FAM53A: variants seen among roughly 807,000 people sequenced by gnomAD.
FAM53A encodes the protein family with sequence similarity 53 member A.
Under a neutral mutation model 26.6 loss-of-function variants are expected in FAM53A, and 28 were observed. That is an observed-to-expected ratio of 1.05 (90% CI 0.78 to 1.45). The LOEUF (loss-of-function observed/expected upper bound fraction) is 1.45, where lower values mean the gene tolerates loss of function less well. FAM53A is among the 40% of genes most tolerant of loss of function. The pLI is 0.00. For synonymous variants in FAM53A, 290 were observed against 253.1 expected (o/e 1.15, Z -1.38); for missense variants, 650 against 575.8 (o/e 1.13, Z -1.32).
At chr4:1,652,566 C>G (rs1388396838) in intron 4 of FAM53A, among the ~76,000 whole-genome samples, 3 of 149,812 alleles carry the variant, frequency 2.0e-5, no homozygotes, top group Non-Finnish European at 4.5e-5. Flanking sequence ...TTACCACACA[C>G]ACACCACACA....
chr4:1,668,773 A>C lies in FAM53A; in HGVS notation c.-32T>G, dbSNP rs1286706703. On this transcript the variant is annotated 5_prime_UTR_variant, in exon 2 of 5. Transcript: ENST00000308132. Reference sequence around the variant, plus strand: ...GGCCCCGTGTCCTCCGTCCACACCAACAGGCACTGGAGTCCTGGAACATCA... The same window carrying C: ...GGCCCCGTGTCCTCCGTCCACACCACCAGGCACTGGAGTCCTGGAACATCA... 1 of 1,608,264 alleles carries C rather than the reference A, an allele frequency of 6.2e-7. No individual in the cohort carries two copies. Among genetic ancestry groups the C allele is most frequent in the Non-Finnish European group, 8.5e-7 (1 of 1,175,060 alleles).
the FAM53A span, among the ~76,000 whole-genome samples, chr4:1,595,161 A>G: frequency 6.6e-6 from 1 of 152,214 alleles, no homozygotes; most frequent in Non-Finnish European, 1.5e-5. Flanking sequence ...CAGCCACTGA[A>G]AGGACAGAAA....
At chr4:1,585,778 G>A in the FAM53A span, among the ~76,000 whole-genome samples, 1 of 152,192 alleles carries the variant, frequency 6.6e-6, no homozygotes, top group Non-Finnish European at 1.5e-5. Flanking sequence ...CCAGGCTAGA[G>A]TGCAGTAGCA....
chr4:1,641,371 A>T lies in FAM53A; in HGVS notation c.1119T>A (p.Asp373Glu), dbSNP rs1318789705. The T allele has an allele frequency of 6.2e-7, 1 of 1,610,844 alleles. No homozygotes were observed. The highest frequency in any genetic ancestry group is 8.5e-7 in the Non-Finnish European group (1 of 1,179,114). ...GSRRSSGDPR[D>E]GDSVGEEGVF... ...CGCCCTCCTCCCCGACACTGTCCCC[A>T]TCACGGGGGTCCCCGCTGCTCCTGC... Residue 373 changes from aspartate to glutamate, a missense_variant, in exon 5 of 5, where the codon GAT becomes GAA. Physicochemically the swap from Asp to Glu is conservative, Grantham distance 45. Coordinates refer to ENST00000308132, the MANE Select transcript of FAM53A (RefSeq NM_001174070.3).
intron 2 of FAM53A, among the ~76,000 whole-genome samples, chr4:1,663,572 G>A (rs964416785): frequency 6.6e-6 from 1 of 152,144 alleles, no homozygotes; most frequent in African/African-American, 2.4e-5. Context: ...TGTGGTGAGG[G>A]ACAGCCAACA....
At chr4:1,683,660 G>C (rs531198350) in intron 1 of FAM53A, 1 of 152,318 alleles carries the variant, frequency 6.6e-6, no homozygotes, top group African/African-American at 2.4e-5. Context: ...TAGCTTCAAA[G>C]AAGAGGCACC....
chr4:1,606,914 C>CT, the FAM53A span, among the ~76,000 whole-genome samples: 1 of 152,222 alleles, frequency 6.6e-6, no homozygotes, highest in Non-Finnish European at 1.5e-5. Flanking sequence ...TTGGAAGCTG[C>CT]CATGCTGTTC....
At chr4:1,612,980 C>T (rs1000147337), downstream of FAM53A, among the ~76,000 whole-genome samples, 1 of 152,232 alleles carries the variant, frequency 6.6e-6, no homozygotes, top group African/African-American at 2.4e-5. Flanking sequence ...GGCATGCACA[C>T]GCAAGCACAG....
In FAM53A at chr4:1,655,343, C is replaced by G. The variant is rs997932329; in HGVS notation, c.517G>C (p.Ala173Pro). Residue 173 changes from alanine (A) to proline (P), a missense_variant, in exon 4 of 5, where the codon GCT becomes CCT. Transcript: ENST00000308132. ...GAGGTGGGACCGGTCGACCACACAGCACTCCTCGGCAGGACGGCGCCGGGG... is the reference window on the plus strand; with the variant it reads ...GAGGTGGGACCGGTCGACCACACAGGACTCCTCGGCAGGACGGCGCCGGGG... ...GSPGAVLPRS[A>P]VWSTGPTSPA... 1.4e-6 allele frequency: 2 copies of G among 1,434,080 alleles called. No homozygotes were observed. Among genetic ancestry groups the G allele is most frequent in the Admixed American group, 6.0e-5 (2 of 33,088 alleles). 88.8% of individuals were successfully genotyped at this position (1,434,080 alleles called of 1,614,324 possible).
At chr4:1,675,011 GAGA>G (rs1022669374) in intron 1 of FAM53A, among the ~76,000 whole-genome samples, 6 of 150,332 alleles carry the variant, frequency 4.0e-5, no homozygotes, top group Non-Finnish European at 7.3e-5. Flanking sequence ...TGGTGGCAGT[GAGA>G]AGGATGCCGT....
the FAM53A span, among the ~76,000 whole-genome samples, chr4:1,600,528 G>A: frequency 1.3e-5 from 2 of 151,980 alleles, no homozygotes; most frequent in Non-Finnish European, 2.9e-5. Context: ...GGGACCCCAC[G>A]TGTGCACTGT....
At position 1,659,836 on chromosome 4, in the gene FAM53A, C is replaced by T. The variant is rs1034873050; in HGVS notation, c.76-2368G>A. On this transcript the variant is annotated intron_variant, in intron 2 of 4. Coordinates refer to ENST00000308132, the MANE Select transcript of FAM53A (RefSeq NM_001174070.3). This position sits in a 1 kb window ranked among gnomAD's most constrained non-coding sequence, Gnocchi z 5.2. Reference sequence around the variant, plus strand: ...GAAGGGGCTGGCTTCCTCTCTGATGCCTCTCACATATGCGCACTTAATTCC... The same window carrying T: ...GAAGGGGCTGGCTTCCTCTCTGATGTCTCTCACATATGCGCACTTAATTCC... Among the ~76,000 whole-genome samples, 3 of 152,176 alleles carry T rather than the reference C, an allele frequency of 2.0e-5. No individual in the cohort carries two copies. The highest frequency in any genetic ancestry group is 4.4e-5 in the Non-Finnish European group (3 of 68,044).
Position 1,684,300 on chromosome 4 carries a change from G to A in FAM53A, c.-232C>T, listed in dbSNP as rs1035698362. On this transcript the variant is annotated 5_prime_UTR_variant, in exon 1 of 5. Coordinates refer to ENST00000308132, the MANE Select transcript of FAM53A (RefSeq NM_001174070.3). ...CGCCCAGGCCCCGCTCGCTCAGGGC[G>A]ACGCGCCTCAGCCGCGGCGGAACAA... 4 of 150,708 alleles carry A rather than the reference G, an allele frequency of 2.7e-5. No homozygotes were observed. Among genetic ancestry groups the A allele is most frequent in the African/African-American group, 9.7e-5 (4 of 41,156 alleles). 9.3% of individuals were successfully genotyped at this position (150,708 alleles called of 1,614,324 possible).
chr4:1,623,285 C>A (rs112535391), intron 1 of FAM53A, among the ~76,000 whole-genome samples: 19 of 152,214 alleles, frequency 1.2e-4, no homozygotes, highest in Non-Finnish European at 2.6e-4. Context: ...GCAGCTGCTC[C>A]GTCCTGGGCA....
rs1168907203 is a variant in FAM53A, at chr4:1,650,377, TGTGGTGTTTGTGAGGTGGCATAGGC to T, written c.882+4576_882+4600del. On this transcript the variant is annotated intron_variant, in intron 4 of 4. Coordinates refer to ENST00000308132, the MANE Select transcript of FAM53A (RefSeq NM_001174070.3). ...GTGTTTGACTGTGAGGTGGCACAGG[TGTGGTGTTTGTGAGGTGGCATAGGC>T]GTGGTGTTTGACTGTGAGGTGGCAC... Among the ~76,000 whole-genome samples, 339 of 70,932 alleles carry T rather than the reference TGTGGTGTTTGTGAGGTGGCATAGGC, an allele frequency of 4.8e-3. 6 individuals are homozygous for T. Among genetic ancestry groups the T allele is most frequent in the African/African-American group, 0.023 (314 of 13,824 alleles). 46.5% of individuals were successfully genotyped at this position (70,932 alleles called of 152,430 possible). A position where few individuals can be genotyped will look rare whatever the true frequency, so the allele number is the denominator to read the frequency against.
chr4:1,599,102 G>A, the FAM53A span, among the ~76,000 whole-genome samples: 7 of 151,974 alleles, frequency 4.6e-5, no homozygotes, highest in African/African-American at 9.7e-5. The surrounding 1 kb of genome is among the most constrained non-coding windows in gnomAD (Gnocchi z 6.1). Flanking sequence ...GCGCAGGGCC[G>A]TCGGCTCCAA....
At chr4:1,612,671 C>T in the FAM53A span, among the ~76,000 whole-genome samples, 5,532 of 152,328 alleles carry the variant, frequency 0.036, 297 homozygotes, top group African/African-American at 0.11. Flanking sequence ...ATGTGACACA[C>T]GTGTGCTCAC....
chr4:1,606,425 G>A, the FAM53A span, among the ~76,000 whole-genome samples: 7 of 151,966 alleles, frequency 4.6e-5, no homozygotes, highest in African/African-American at 9.7e-5. Context: ...TTCCCGCCGC[G>A]GGCTCCTCGC....
At chr4:1,627,749 C>T (rs1220048082) in intron 1 of FAM53A, among the ~76,000 whole-genome samples, 1 of 152,128 alleles carries the variant, frequency 6.6e-6, no homozygotes, top group African/African-American at 2.4e-5. Flanking sequence ...CTCCACCACC[C>T]CCTTGCCCTC....
Sources: gnomAD v4.1 joint callset for allele counts (sites outside exome capture counted in the v4.1 genomes callset) on GRCh38, gnomAD v4.1.1 for gene constraint, Gnocchi (gnomAD v3.1) non-coding constraint, MANE v1.5 for transcripts, NCBI Gene and HGNC (gene_info 2026-07-23, HGNC 2026-07-21) for gene names.